Variants in M1AP observed in about 807,000 individuals in gnomAD.
M1AP encodes meiosis 1 arrest protein.
M1AP carries 39 observed loss-of-function variants against 51.2 expected under a neutral mutation model. The observed-to-expected ratio is 0.76, with a 90% confidence interval of 0.59 to 1.00. The LOEUF is 1.00. M1AP is among the 50% of genes least tolerant of loss of function. The pLI, the probability that M1AP is intolerant of heterozygous loss-of-function variation, is 0.00. For synonymous variants in M1AP, 251 were observed against 249.2 expected, an observed-to-expected ratio of 1.01 and a Z score of -0.07; for missense variants, 545 against 641.2, an observed-to-expected ratio of 0.85 and a Z score of 1.62.
rs757362308 is a variant in M1AP, at chr2:74,575,377, T to A, written c.1074+61A>T. The A allele has an allele frequency of 4.4e-6, 7 of 1,604,430 alleles. No homozygotes were observed. The East Asian group carries it at 1.6e-4, about 36-fold the overall frequency. On this transcript the variant is annotated intron_variant, in intron 7 of 10. Coordinates refer to ENST00000421985, the MANE Select transcript of M1AP (RefSeq NM_001321739.2). Reference sequence around the variant, plus strand: ...GATTGGGCAGAGTTAGTTAGCTGCTTTTCTGTGGTTGGTACTTTAAAAACG... The same window carrying A: ...GATTGGGCAGAGTTAGTTAGCTGCTATTCTGTGGTTGGTACTTTAAAAACG...
intron 4 of M1AP, among the ~76,000 whole-genome samples, chr2:74,596,698 A>G (rs1680362244): frequency 6.6e-6 from 1 of 152,232 alleles, no homozygotes; most frequent in South Asian, 2.1e-4. Context: ...TTTCTTCACA[A>G]TAGTCAAAAA....
At chr2:74,640,660 G>A in intron 1 of M1AP, among the ~76,000 whole-genome samples, 1 of 152,098 alleles carries the variant, frequency 6.6e-6, no homozygotes, top group East Asian at 1.9e-4. Context: ...GTTTCACCAT[G>A]TTGGCCAGGA....
rs966827736 is a variant in M1AP, at chr2:74,560,206, T to C, written c.1367A>G (p.Tyr456Cys). The stretch of plus-strand genomic sequence containing the variant: ...GTGGAGCCGCCCCTGAGGCTTGGCA[T>C]AGATGCTGCTCAGGTGTGAGTACAG... The part of the protein sequence containing the change: ...SHLYSHLSSI[Y>C]AKPQGRLHPH... The change falls in exon 9 of 11, where the codon TAT (tyrosine) becomes TGT (cysteine). Residue 456 changes from tyrosine to cysteine, a missense_variant. By Grantham distance (194) the Tyr-to-Cys change is radical. Coordinates refer to ENST00000421985, the MANE Select transcript of M1AP (RefSeq NM_001321739.2). The C allele has an allele frequency of 3.1e-6, 5 of 1,613,784 alleles. No individual in the cohort carries two copies. The highest frequency in any genetic ancestry group is 3.3e-5 in the Admixed American group (2 of 59,954).
At chr2:74,575,844 G>GT (rs138009239) in intron 6 of M1AP, among the ~76,000 whole-genome samples, 1 of 152,254 alleles carries the variant, frequency 6.6e-6, no homozygotes, top group Admixed American at 6.5e-5. Context: ...AATTCATTGT[G>GT]TTTTTTTGTT....
intron 2 of M1AP, among the ~76,000 whole-genome samples, chr2:74,638,861 T>C (rs1335399859): frequency 6.6e-6 from 1 of 152,246 alleles, no homozygotes; most frequent in Non-Finnish European, 1.5e-5. Context: ...GACCACTACA[T>C]TTTGGGATAA....
intron 4 of M1AP, among the ~76,000 whole-genome samples, chr2:74,598,990 T>C (rs754732337): frequency 8.6e-5 from 13 of 151,842 alleles, no homozygotes; most frequent in Non-Finnish European, 1.6e-4. Flanking sequence ...AATCTTTTAT[T>C]ATATGGGCTG....
At chr2:74,626,010 G>A (rs1682363166) in intron 2 of M1AP, among the ~76,000 whole-genome samples, 2 of 152,216 alleles carry the variant, frequency 1.3e-5, no homozygotes, top group African/African-American at 4.8e-5. Flanking sequence ...TCACTGGAGA[G>A]TAGCTTCCTG....
chr2:74,568,480 C>G (rs573562175), intron 7 of M1AP, among the ~76,000 whole-genome samples: 11 of 152,250 alleles, frequency 7.2e-5, no homozygotes, highest in Non-Finnish European at 1.3e-4. Flanking sequence ...GATTCTGGGA[C>G]AGAGGGCATG....
intron 8 of M1AP, among the ~76,000 whole-genome samples, chr2:74,561,226 G>A (rs868149416): frequency 2.2e-5 from 3 of 134,622 alleles, no homozygotes; most frequent in East Asian, 2.4e-4. Flanking sequence ...GAAGGAGGAG[G>A]AGGAGAAGGA....
Position 74,609,897 on chromosome 2 carries a change from T to C in M1AP, c.427-2674A>G, listed in dbSNP as rs556143681. Among the ~76,000 whole-genome samples the C allele has an allele frequency of 3.9e-5, 6 of 152,338 alleles. No homozygotes were observed. The East Asian group carries it at 1.2e-3, about 29-fold the overall frequency. The stretch of plus-strand genomic sequence containing the variant: ...TTCAGCTTTCAGATTATTCATTTTT[T>C]CCCTGTTGAGTTGTTTGAGTTCCTT... On this transcript the variant is annotated intron_variant, in intron 3 of 10. Coordinates refer to ENST00000421985, the MANE Select transcript of M1AP (RefSeq NM_001321739.2).
chr2:74,561,218 AGG>A (rs1423149076), intron 8 of M1AP, among the ~76,000 whole-genome samples: 2 of 121,020 alleles, frequency 1.7e-5, no homozygotes, highest in African/African-American at 3.6e-5. Flanking sequence ...GAGGAGGAGA[AGG>A]AGGAGGAGGA....
chr2:74,590,717 G>A (rs1478028410), intron 4 of M1AP, among the ~76,000 whole-genome samples: 3 of 152,060 alleles, frequency 2.0e-5, no homozygotes, highest in Admixed American at 6.6e-5. Context: ...AAGTGTTCCC[G>A]GATTGCCAAT....
chr2:74,621,482 G>C (rs551059695), intron 2 of M1AP, among the ~76,000 whole-genome samples: 157 of 151,874 alleles, frequency 1.0e-3, no homozygotes, highest in Non-Finnish European at 1.7e-3. Context: ...AGACTTTGAA[G>C]AGTAGTAAAA....
At chr2:74,596,668 G>A (rs183644932) in intron 4 of M1AP, among the ~76,000 whole-genome samples, 84 of 152,244 alleles carry the variant, frequency 5.5e-4, no homozygotes, top group African/African-American at 1.9e-3. Flanking sequence ...AAAGATTTGT[G>A]TACAGACATT....
intron 3 of M1AP, among the ~76,000 whole-genome samples, chr2:74,613,382 C>A (rs530730668): frequency 3.3e-4 from 50 of 152,146 alleles, no homozygotes; most frequent in African/African-American, 1.1e-3. Flanking sequence ...TATAAGCAGG[C>A]CTTTAGTAAT....
chr2:74,640,571 CT>C (rs2104843600), intron 1 of M1AP, among the ~76,000 whole-genome samples: 1 of 152,052 alleles, frequency 6.6e-6, no homozygotes, highest in African/African-American at 2.4e-5. Context: ...AGCGATTCTC[CT>C]GCTTCAGCTT....
intron 3 of M1AP, among the ~76,000 whole-genome samples, chr2:74,612,381 G>A (rs553870354): frequency 6.6e-6 from 1 of 151,878 alleles, no homozygotes; most frequent in Non-Finnish European, 1.5e-5. Context: ...ACCACACCTG[G>A]GTAATTTAAA....
intron 1 of M1AP, among the ~76,000 whole-genome samples, chr2:74,644,937 C>T (rs1018395341): frequency 6.6e-6 from 1 of 152,190 alleles, no homozygotes; most frequent in Admixed American, 6.5e-5. Flanking sequence ...CCATCTCTCA[C>T]ATCTGAAAAC....
intron 2 of M1AP, among the ~76,000 whole-genome samples, chr2:74,625,514 T>C (rs1184148002): frequency 6.6e-6 from 1 of 152,224 alleles, no homozygotes; most frequent in African/African-American, 2.4e-5. Flanking sequence ...TATTAATTAT[T>C]AATTTATTGC....
Sources: gnomAD v4.1 joint callset for allele counts (sites outside exome capture counted in the v4.1 genomes callset) on GRCh38, gnomAD v4.1.1 for gene constraint, MANE v1.5 for transcripts, NCBI Gene and HGNC (gene_info 2026-07-23, HGNC 2026-07-21) for gene names.